Variants in ADAM7 observed in about 807,000 individuals in gnomAD.
The protein encoded by ADAM7 is ADAM metallopeptidase domain 7.
Under a neutral mutation model 102.9 loss-of-function variants are expected in ADAM7, and 97 were observed. The ratio of observed to expected loss-of-function variants is 0.94; its 90% CI spans 0.80 to 1.12. The LOEUF (loss-of-function observed/expected upper bound fraction) is 1.12, where lower values mean the gene tolerates loss of function less well. Among genes scored for constraint, ADAM7 ranks in the 50% most tolerant of loss-of-function variants. The probability of loss-of-function intolerance (pLI) is 0.00; values close to 1 mark genes in which losing one functional copy is unlikely to be tolerated. For synonymous variants in ADAM7, 334 were observed against 304.4 expected, an observed-to-expected ratio of 1.10 and a Z score of -1.01; for missense variants, 991 against 908.7, an observed-to-expected ratio of 1.09 and a Z score of -1.16.
At chr8:24,458,310 G>A (rs185335010) in intron 3 of ADAM7, among the ~76,000 whole-genome samples, 6 of 152,218 alleles carry the variant, frequency 3.9e-5, no homozygotes, top group African/African-American at 7.2e-5. Context: ...GAGTATTCAC[G>A]TTATAACTCA....
intron 7 of ADAM7, among the ~76,000 whole-genome samples, chr8:24,470,812 G>A (rs1356734692): frequency 6.6e-6 from 1 of 152,170 alleles, no homozygotes; most frequent in African/African-American, 2.4e-5. Flanking sequence ...ACTGGTTTAT[G>A]TATTCACTAT....
intron 20 of ADAM7, among the ~76,000 whole-genome samples, chr8:24,507,142 G>C (rs1820977742): frequency 6.6e-6 from 1 of 152,022 alleles, no homozygotes; most frequent in Admixed American, 6.6e-5. Flanking sequence ...TTCCAACAGA[G>C]ATGTTATCGG....
chr8:24,500,772 T>C lies in ADAM7; in HGVS notation c.2003-18T>C, dbSNP rs781330946. 4 of 1,596,192 alleles carry C rather than the reference T, an allele frequency of 2.5e-6. No homozygotes were observed. Among genetic ancestry groups the C allele is most frequent in the East Asian group, 4.5e-5 (2 of 44,684 alleles). On this transcript the variant is annotated intron_variant, in intron 18 of 21. Transcript: ENST00000175238. ...CAACTGATACCCTCGATGAAGCCCA[T>C]GTTTCTTCATGTTGCAGATATCACC...
chr8:24,484,311 A>G (rs1820060542), intron 9 of ADAM7, among the ~76,000 whole-genome samples: 1 of 152,352 alleles, frequency 6.6e-6, no homozygotes, highest in South Asian at 2.1e-4. Context: ...CTGACCACCT[A>G]TCTTGTCTTT....
intron 17 of ADAM7, 92 bp from the exon 18 acceptor site, chr8:24,500,086 A>G (rs1820703203): frequency 9.2e-7 from 1 of 1,082,124 alleles, no homozygotes; most frequent in Non-Finnish European, 1.3e-6. Flanking sequence ...GTGTGCATGT[A>G]TGTTTGATGT....
At chr8:24,490,937 T>A (rs371642843) in intron 13 of ADAM7, 49 bp downstream of exon 13, 1 of 1,587,082 alleles carries the variant, frequency 6.3e-7, no homozygotes, top group African/African-American at 1.4e-5. Flanking sequence ...TTTAAGAATA[T>A]GTAGGATCCA....
intron 4 of ADAM7, 25 bp downstream of exon 4, chr8:24,463,985 C>T (rs781449211): frequency 6.3e-7 from 1 of 1,584,766 alleles, no homozygotes; most frequent in Admixed American, 1.7e-5. Context: ...TTTACTGTGT[C>T]TCTTCTCTAA....
chr8:24,481,367 T>C (rs1280323526), intron 8 of ADAM7, among the ~76,000 whole-genome samples: 2 of 152,180 alleles, frequency 1.3e-5, no homozygotes, highest in South Asian at 2.1e-4. Flanking sequence ...CCTAGTAACA[T>C]TGTATGAATG....
rs1477808362 is a variant in ADAM7 at position 24,505,990 on chromosome 8, A to G, written c.2209-1490A>G. On this transcript the variant is annotated intron_variant, in intron 20 of 21. Coordinates refer to ENST00000175238, the MANE Select transcript of ADAM7 (RefSeq NM_003817.4). ...TAGACAGGCCCTGAGATAGACTCAT[A>G]TGTTGTAGGATAACAATCTACACAA... The G allele has an allele frequency of 9.2e-6, 8 of 872,642 alleles. No homozygotes were observed. The East Asian group carries it at 1.6e-4, about 17-fold the overall frequency. The allele number at this position is 872,642 out of a possible 1,614,324, so 54.1% of individuals were successfully genotyped here.
intron 1 of ADAM7, 27 bp downstream of exon 1, chr8:24,441,187 T>C (rs1818361447): frequency 6.3e-7 from 1 of 1,585,724 alleles, no homozygotes; most frequent in Non-Finnish European, 8.7e-7. Flanking sequence ...TTATCAGGAC[T>C]TTCTTATTAT....
chr8:24,492,748 T>A (rs1200050240), intron 15 of ADAM7, 151 bp downstream of exon 15: 11 of 614,178 alleles, frequency 1.8e-5, no homozygotes, highest in Non-Finnish European at 3.1e-5. Flanking sequence ...TGATTAAAAT[T>A]ATGCTAATTC....
rs1818596189 is a variant in ADAM7, at chr8:24,447,272, A to G, written c.233+10A>G. On this transcript the variant is annotated intron_variant, in intron 3 of 21. Transcript: ENST00000175238. ...ATCTTCTAAGATCCAGGTAAGTTCT[A>G]TTGTGATTCCAGTACCTTATAGATT... 1 of 1,469,956 alleles carries G rather than the reference A, an allele frequency of 6.8e-7. No individual in the cohort carries two copies. The highest frequency in any genetic ancestry group is 9.3e-7 in the Non-Finnish European group (1 of 1,077,356). 91.1% of individuals were successfully genotyped at this position (1,469,956 alleles called of 1,614,324 possible).
At chr8:24,508,253 T>C (rs1267016822) in intron 21 of ADAM7, among the ~76,000 whole-genome samples, 1 of 152,172 alleles carries the variant, frequency 6.6e-6, no homozygotes, top group Non-Finnish European at 1.5e-5. Flanking sequence ...CACTCCACAA[T>C]GACAAACCTG....
intron 12 of ADAM7, chr8:24,490,400 A>G (rs1465177351): frequency 6.4e-6 from 1 of 156,034 alleles, no homozygotes. Flanking sequence ...ACATTAAAAA[A>G]TAAAAGTCAG....
intron 16 of ADAM7, among the ~76,000 whole-genome samples, chr8:24,495,864 T>A (rs902640321): frequency 1.3e-5 from 2 of 152,178 alleles, no homozygotes; most frequent in African/African-American, 4.8e-5. Context: ...CCTGACAATG[T>A]GATAGAAAAG....
intron 3 of ADAM7, among the ~76,000 whole-genome samples, chr8:24,462,930 A>G (rs550226414): frequency 6.6e-6 from 1 of 152,322 alleles, no homozygotes; most frequent in Non-Finnish European, 1.5e-5. Flanking sequence ...CTATTAATGT[A>G]TACCCCTTAA....
chr8:24,502,007 A>ACTCC (rs1307600631), intron 20 of ADAM7, among the ~76,000 whole-genome samples: 1 of 146,790 alleles, frequency 6.8e-6, no homozygotes. Context: ...AACATGGGAA[A>ACTCC]CTCCCTCTCC....
At chr8:24,466,127 T>TAC (rs1563380646) in intron 5 of ADAM7, among the ~76,000 whole-genome samples, 97 of 152,352 alleles carry the variant, frequency 6.4e-4, no homozygotes, top group African/African-American at 2.0e-3. Flanking sequence ...AAATTGAGCC[T>TAC]GAAACCCAGG....
intron 21 of ADAM7, 134 bp downstream of exon 21, chr8:24,507,669 T>A (rs1338573857): frequency 9.2e-5 from 2 of 21,716 alleles, no homozygotes. Context: ...AAGGTTAGAA[T>A]TTTTTTTTTT....
Sources: allele counts gnomAD v4.1 joint callset (sites outside exome capture counted in the v4.1 genomes callset), GRCh38; gene constraint gnomAD v4.1.1; transcripts MANE v1.5; gene names NCBI Gene and HGNC (gene_info 2026-07-23, HGNC 2026-07-21).